Variants in SLC16A10 observed in about 807,000 individuals in gnomAD.
The protein encoded by SLC16A10 is monocarboxylate transporter 10.
A neutral mutation model predicts 40.0 loss-of-function variants in SLC16A10; 27 were observed. The observed-to-expected ratio is 0.67, with a 90% CI of 0.50 to 0.93. The LOEUF is 0.93. SLC16A10 is among the 40% of genes least tolerant of loss of function. SLC16A10 has a pLI of 0.00. For missense variants in SLC16A10, 529 were observed against 658.2 expected, an observed-to-expected ratio of 0.80 and a Z score of 2.15; for synonymous variants, 213 against 249.8, an observed-to-expected ratio of 0.85 and a Z score of 1.39.
intron 1 of SLC16A10, among the ~76,000 whole-genome samples, chr6:111,116,665 G>A (rs1771492710): frequency 6.6e-6 from 1 of 152,238 alleles, no homozygotes; most frequent in South Asian, 2.1e-4. Context: ...AAAGCAGGAT[G>A]TACCACATGA....
rs368386519 is a variant in SLC16A10, at chr6:111,206,588, A to G, written c.943-4A>G. On this transcript the variant is annotated splice_polypyrimidine_tract_variant and splice_region_variant and intron_variant, in intron 3 of 5. Transcript: ENST00000368851. ...AGTGTGGTTTCTTTCTCTTTGGCCT[A>G]TAGATGAAACATGTAAATGAAAGAT... 29 of 1,613,964 alleles carry G rather than the reference A, an allele frequency of 1.8e-5. No homozygotes were observed. The highest frequency in any genetic ancestry group is 3.4e-6 in the Non-Finnish European group (4 of 1,179,976).
At chr6:111,178,589 A>T in intron 3 of SLC16A10, 1 of 315,068 alleles carries the variant, frequency 3.2e-6, no homozygotes, top group Non-Finnish European at 6.1e-6. Context: ...AGCAGTGTCT[A>T]AAGTATCTGC....
In SLC16A10 at chr6:111,087,588, G is replaced by C; in HGVS notation, c.-165G>C. 1 of 277,034 alleles carries C rather than the reference G, an allele frequency of 3.6e-6. No homozygotes were observed. The highest frequency in any genetic ancestry group is 1.1e-3 in the Middle Eastern group (1 of 906). 17.2% of individuals were successfully genotyped at this position (277,034 alleles called of 1,614,324 possible). A position where few individuals can be genotyped will look rare whatever the true frequency, so the allele number is the denominator to read the frequency against. ...GCGCCAGCTGTCCTCGCGGCCGCCT[G>C]CGCGCTGGCCGCCTGCGCGCTGCCA... is the stretch of plus-strand genomic sequence containing the variant. On this transcript the variant is annotated 5_prime_UTR_variant, in exon 1 of 6. Coordinates refer to ENST00000368851, the MANE Select transcript of SLC16A10 (RefSeq NM_018593.5).
chr6:111,205,220 A>G (rs987484699), intron 3 of SLC16A10, among the ~76,000 whole-genome samples: 3 of 152,208 alleles, frequency 2.0e-5, no homozygotes, highest in Non-Finnish European at 4.4e-5. Context: ...GGGATACATA[A>G]ATGGGCTTTT....
chr6:111,226,033 C>G lies in SLC16A10; in HGVS notation c.*3798C>G, dbSNP rs1770989166. 1 of 152,124 alleles carries G rather than the reference C, an allele frequency of 6.6e-6. No homozygotes were observed. Among genetic ancestry groups the G allele is most frequent in the African/African-American group, 2.4e-5 (1 of 41,436 alleles). The allele number at this position is 152,124 out of a possible 1,614,324, so 9.4% of individuals were successfully genotyped here. On this transcript the variant is annotated 3_prime_UTR_variant, in exon 6 of 6. Coordinates refer to ENST00000368851, the MANE Select transcript of SLC16A10 (RefSeq NM_018593.5). ...ATCCTGGTGAATGGCTTTCTCTCAG[C>G]CTTCGACTTAGTTCTAATGATCTAC...
At chr6:111,109,345 C>T (rs576222875) in intron 1 of SLC16A10, among the ~76,000 whole-genome samples, 1 of 151,878 alleles carries the variant, frequency 6.6e-6, no homozygotes, top group African/African-American at 2.4e-5. Context: ...TCTTTTGTAT[C>T]TGTTTTTCAC....
In SLC16A10 at chr6:111,224,527, T is replaced by C. The variant is rs987319921; in HGVS notation, c.*2292T>C. ...GTGTTTGTATATTAAACTTCACATATGTAGTTTTCAGTTTAATGGAATGAA... is the reference window on the plus strand; with the variant it reads ...GTGTTTGTATATTAAACTTCACATACGTAGTTTTCAGTTTAATGGAATGAA... On this transcript the variant is annotated 3_prime_UTR_variant, in exon 6 of 6. Transcript: ENST00000368851. 6.6e-6 allele frequency: 1 copy of C among 152,234 alleles called. No homozygotes were observed. Among genetic ancestry groups the C allele is most frequent in the Non-Finnish European group, 1.5e-5 (1 of 68,040 alleles). 9.4% of individuals were successfully genotyped at this position (152,234 alleles called of 1,614,324 possible).
intron 1 of SLC16A10, among the ~76,000 whole-genome samples, chr6:111,112,625 T>A (rs965753608): frequency 6.6e-6 from 1 of 152,236 alleles, no homozygotes; most frequent in African/African-American, 2.4e-5. Flanking sequence ...TCTGAATGCT[T>A]CATATGAAGT....
At position 111,209,091 on chromosome 6, in the gene SLC16A10, T is replaced by G. The variant is rs147994683; in HGVS notation, c.1086+2356T>G. ...GCACGGTGGCACATGCCTATAGTCT[T>G]AGCTATGCAGGAGGCTGAGGTGGGA... On this transcript the variant is annotated intron_variant, in intron 4 of 5. Coordinates refer to ENST00000368851, the MANE Select transcript of SLC16A10 (RefSeq NM_018593.5). Among the ~76,000 whole-genome samples, 970 of 152,150 alleles carry G rather than the reference T, an allele frequency of 6.4e-3. 10 individuals are homozygous for G. Among genetic ancestry groups the G allele is most frequent in the Non-Finnish European group, 9.9e-3 (676 of 67,996 alleles).
In SLC16A10 at chr6:111,222,184, G is replaced by T. The variant is rs766287239; in HGVS notation, c.1497G>T (p.Leu499=). The change falls in exon 6 of 6, where the codon CTG becomes CTT. Residue 499 remains leucine, a synonymous_variant. Transcript: ENST00000368851. ...MEKMLENQNS[L]LSSSSGMFKK... ...AAATGTTGGAAAACCAGAACTCTCTGCTGTCAAGTTCATCTGGAATGTTCA... is the reference window on the plus strand; with the variant it reads ...AAATGTTGGAAAACCAGAACTCTCTTCTGTCAAGTTCATCTGGAATGTTCA... 1 of 1,607,018 alleles carries T rather than the reference G, an allele frequency of 6.2e-7. No individual in the cohort carries two copies.
At chr6:111,209,088 T>A (rs1438079785) in intron 4 of SLC16A10, among the ~76,000 whole-genome samples, 1 of 151,984 alleles carries the variant, frequency 6.6e-6, no homozygotes, top group Non-Finnish European at 1.5e-5. Flanking sequence ...ATGCCTATAG[T>A]CTTAGCTATG....
At chr6:111,209,267 A>G (rs1447641093) in intron 4 of SLC16A10, among the ~76,000 whole-genome samples, 1 of 152,192 alleles carries the variant, frequency 6.6e-6, no homozygotes, top group Non-Finnish European at 1.5e-5. Context: ...AAAGTAGTCT[A>G]GGCATCTAGG....
Position 111,177,582 on chromosome 6 carries a change from A to G in SLC16A10, c.859A>G (p.Ile287Val), listed in dbSNP as rs116322832. The G allele has an allele frequency of 2.4e-3, 3,930 of 1,611,972 alleles. 5 individuals carry two copies. The highest frequency in any genetic ancestry group is 3.1e-3 in the Non-Finnish European group (3,647 of 1,179,088). ...SPPKKIFNFA[I>V]FKVTAYAVWA... ...TCCAAAAAAAATTTTCAATTTTGCC[A>G]TCTTCAAGGTGACAGCTTATGCAGT... Residue 287 changes from isoleucine to valine, a missense_variant, in exon 3 of 6, where the codon ATC becomes GTC. By Grantham distance (29) the Ile-to-Val change is conservative. Transcript: ENST00000368851.
chr6:111,146,662 G>A (rs531943799), intron 1 of SLC16A10, among the ~76,000 whole-genome samples: 106 of 152,132 alleles, frequency 7.0e-4, no homozygotes, highest in African/African-American at 2.4e-3. Flanking sequence ...TCGTGAACCC[G>A]GCAGGCGGGG....
chr6:111,133,744 C>A (rs955195802), intron 1 of SLC16A10, among the ~76,000 whole-genome samples: 38 of 152,142 alleles, frequency 2.5e-4, no homozygotes, highest in African/African-American at 9.2e-4. Flanking sequence ...TAATAAGGAC[C>A]CCCCTTTCAA....
intron 1 of SLC16A10, among the ~76,000 whole-genome samples, chr6:111,133,229 T>G (rs966513892): frequency 6.6e-6 from 1 of 152,010 alleles, no homozygotes; most frequent in Non-Finnish European, 1.5e-5. Flanking sequence ...CATCAGTGAG[T>G]GCAACTAATC....
chr6:111,155,336 C>A (rs892197470), intron 1 of SLC16A10, among the ~76,000 whole-genome samples: 1 of 151,802 alleles, frequency 6.6e-6, no homozygotes, highest in Non-Finnish European at 1.5e-5. Flanking sequence ...GTGCATGCCA[C>A]CGTGACTGGC....
At chr6:111,169,797 G>A (rs947222843) in intron 1 of SLC16A10, among the ~76,000 whole-genome samples, 3 of 152,042 alleles carry the variant, frequency 2.0e-5, no homozygotes, top group Non-Finnish European at 4.4e-5. Context: ...ATTATATCCT[G>A]TTAGTGCTTA....
Position 111,230,712 on chromosome 6 carries a change from G to C in SLC16A10, c.*8477G>C, listed in dbSNP as rs963220083. ...ACCCTGTAGTTATTACTGAAAGAGA[G>C]TGTGGATATTTTAAGTATCTCCTAG... On this transcript the variant is annotated 3_prime_UTR_variant, in exon 6 of 6. Coordinates refer to ENST00000368851, the MANE Select transcript of SLC16A10 (RefSeq NM_018593.5). 5 of 152,204 alleles carry C rather than the reference G, an allele frequency of 3.3e-5. No homozygotes were observed. Among genetic ancestry groups the C allele is most frequent in the African/African-American group, 2.4e-5 (1 of 41,450 alleles). The allele number at this position is 152,204 out of a possible 1,614,324, so 9.4% of individuals were successfully genotyped here.
Sources: gnomAD v4.1 joint callset for allele counts (sites outside exome capture counted in the v4.1 genomes callset) on GRCh38, gnomAD v4.1.1 for gene constraint, MANE v1.5 for transcripts, NCBI Gene and HGNC (gene_info 2026-07-23, HGNC 2026-07-21) for gene names.